The following OSBPL3 variants were observed in gnomAD, a reference collection of about 807,000 sequenced individuals.
OSBPL3 encodes the protein oxysterol binding protein like 3.
Under a neutral mutation model 120.1 loss-of-function variants are expected in OSBPL3, and 65 were observed. The ratio of observed to expected loss-of-function variants is 0.54; its 90% confidence interval spans 0.44 to 0.67. OSBPL3 has a LOEUF of 0.67. OSBPL3 is among the 30% of genes least tolerant of loss of function. The probability of loss-of-function intolerance (pLI) is 0.00; values close to 1 mark genes in which losing one functional copy is unlikely to be tolerated. For synonymous variants in OSBPL3, 416 were observed against 402.6 expected (o/e 1.03, Z -0.40); for missense variants, 1,004 against 1,082.1 (o/e 0.93, Z 1.01).
At chr7:24,861,094 T>A (rs1458646363) in intron 10 of OSBPL3, among the ~76,000 whole-genome samples, 1 of 152,216 alleles carries the variant, frequency 6.6e-6, no homozygotes, top group African/African-American at 2.4e-5. Flanking sequence ...TTTGATACTA[T>A]ATTTCCTTTT....
intron 1 of OSBPL3, among the ~76,000 whole-genome samples, chr7:24,914,810 A>T (rs530939420): frequency 6.6e-6 from 1 of 152,314 alleles, no homozygotes; most frequent in East Asian, 1.9e-4. Flanking sequence ...GCCCAATGTA[A>T]ACTTACAGGT....
chr7:24,844,591 T>A (rs1185166314), intron 12 of OSBPL3, among the ~76,000 whole-genome samples: 3 of 152,228 alleles, frequency 2.0e-5, no homozygotes, highest in African/African-American at 7.2e-5. Context: ...GTGCAGTAAT[T>A]GTAATCATGC....
In OSBPL3 at chr7:24,815,711, T is replaced by C. The variant is rs765619394; in HGVS notation, c.2028-508A>G. On this transcript the variant is annotated intron_variant, in intron 18 of 22. Transcript: ENST00000313367. The surrounding 1 kb of genome is among the most constrained non-coding windows in gnomAD (Gnocchi z 5.1). ...CCAGATACTTACAAAACATATGCAA[T>C]GTGCTAAGTACTATTTTAGGTGTTT... 4.6e-5 allele frequency among the ~76,000 whole-genome samples: 7 copies of C among 152,240 alleles called. No individual in the cohort carries two copies. The highest frequency in any genetic ancestry group is 7.3e-5 in the Non-Finnish European group (5 of 68,042).
At chr7:24,903,343 G>A (rs1807348557) in intron 1 of OSBPL3, among the ~76,000 whole-genome samples, 1 of 152,218 alleles carries the variant, frequency 6.6e-6, no homozygotes, top group Non-Finnish European at 1.5e-5. Flanking sequence ...ATACTTGCCA[G>A]TGAAGAAAGG....
chr7:24,863,130 A>G lies in OSBPL3; in HGVS notation c.870+70T>C. The G allele has an allele frequency of 1.9e-6, 2 of 1,050,896 alleles. No homozygotes were observed. The highest frequency in any genetic ancestry group is 3.0e-6 in the Non-Finnish European group (2 of 667,192). The allele number at this position is 1,050,896 out of a possible 1,614,324, so 65.1% of individuals were successfully genotyped here. A position where few individuals can be genotyped will look rare whatever the true frequency, so the allele number is the denominator to read the frequency against. On this transcript the variant is annotated intron_variant, in intron 9 of 22. Transcript: ENST00000313367. This position sits in a 1 kb window ranked among gnomAD's most constrained non-coding sequence, Gnocchi z 5.8. ...TCTATTCTCCTAGCTGAGTCAAGGT[A>G]GCTGCTGGCACACGGCATGCAGAGC...
rs17150641 is a variant in OSBPL3 at position 24,969,587 on chromosome 7, T to C, written c.-150+10299A>G. ...TATTTTTTTGTATTTCTATTTGTTT[T>C]AAAGTTTTGATCCATGTGGAATTTA... On this transcript the variant is annotated intron_variant, in intron 1 of 22. Transcript: ENST00000313367. Among the ~76,000 whole-genome samples, 550 of 152,334 alleles carry C rather than the reference T, an allele frequency of 3.6e-3. 11 individuals carry two copies. The East Asian group carries it at 0.052, about 14-fold the overall frequency.
chr7:24,820,408 A>G lies in OSBPL3; in HGVS notation c.1885-170T>C, dbSNP rs1447196137. Among the ~76,000 whole-genome samples, 1 of 152,240 alleles carries G rather than the reference A, an allele frequency of 6.6e-6. No individual in the cohort carries two copies. Among genetic ancestry groups the G allele is most frequent in the Non-Finnish European group, 1.5e-5 (1 of 68,040 alleles). ...GTCCTCAAGAGGGCGCTCCTGATACAGTCAGCTCCCACTTGCTCAGATTGG... is the reference window on the plus strand; with the variant it reads ...GTCCTCAAGAGGGCGCTCCTGATACGGTCAGCTCCCACTTGCTCAGATTGG... On this transcript the variant is annotated intron_variant, in intron 16 of 22. Coordinates refer to ENST00000313367, the MANE Select transcript of OSBPL3 (RefSeq NM_015550.4). This position sits in a 1 kb window ranked among gnomAD's most constrained non-coding sequence, Gnocchi z 4.6.
At chr7:24,974,521 A>T (rs920406190) in intron 1 of OSBPL3, among the ~76,000 whole-genome samples, 1 of 152,226 alleles carries the variant, frequency 6.6e-6, no homozygotes, top group Non-Finnish European at 1.5e-5. Context: ...AAGATAAAAC[A>T]GCGAACAGGG....
chr7:24,951,087 C>T (rs1563004212), intron 1 of OSBPL3, among the ~76,000 whole-genome samples: 1 of 152,074 alleles, frequency 6.6e-6, no homozygotes, highest in Non-Finnish European at 1.5e-5. Context: ...CCACCAGCCC[C>T]AACAAAAAGA....
rs1488008409 is a variant in OSBPL3 at position 24,849,049 on chromosome 7, CAGACG to C, written c.1266+15_1266+19del. ...CGGGCGGCAGCTGGGGAGACATTAC[CAGACG>C]AGAAACCTACCCACCTCTGCCAGAT... is the stretch of plus-strand genomic sequence containing the variant. On this transcript the variant is annotated intron_variant, in intron 12 of 22. Coordinates refer to ENST00000313367, the MANE Select transcript of OSBPL3 (RefSeq NM_015550.4). The surrounding 1 kb of genome is among the most constrained non-coding windows in gnomAD (Gnocchi z 5.4). 1.3e-6 allele frequency: 2 copies of C among 1,573,518 alleles called. No individual in the cohort carries two copies. The highest frequency in any genetic ancestry group is 1.7e-6 in the Non-Finnish European group (2 of 1,144,294).
At chr7:24,882,949 T>C (rs1333081858) in intron 2 of OSBPL3, among the ~76,000 whole-genome samples, 2 of 152,242 alleles carry the variant, frequency 1.3e-5, no homozygotes, top group African/African-American at 4.8e-5. Context: ...TTGAGCTGTT[T>C]GAGTTCCTTG....
At position 24,879,714 on chromosome 7, in the gene OSBPL3, A is replaced by G. The variant is rs1028756034; in HGVS notation, c.97-7645T>C. 6.6e-6 allele frequency among the ~76,000 whole-genome samples: 1 copy of G among 152,188 alleles called. No homozygotes were observed. The highest frequency in any genetic ancestry group is 2.4e-5 in the African/African-American group (1 of 41,446). ...TCCACCTGAGGTCATTCCCATCCTGAGTTTCCAAAGAGAAAAACGCTTTCC... is the reference window on the plus strand; with the variant it reads ...TCCACCTGAGGTCATTCCCATCCTGGGTTTCCAAAGAGAAAAACGCTTTCC... On this transcript the variant is annotated intron_variant, in intron 2 of 22. Transcript: ENST00000313367. The surrounding 1 kb of genome is among the most constrained non-coding windows in gnomAD (Gnocchi z 5.6).
In OSBPL3 at chr7:24,818,476, T is replaced by C. The variant is rs1794742824; in HGVS notation, c.1948+1699A>G. Among the ~76,000 whole-genome samples the C allele has an allele frequency of 6.6e-6, 1 of 152,208 alleles. No individual in the cohort carries two copies. Among genetic ancestry groups the C allele is most frequent in the Admixed American group, 6.5e-5 (1 of 15,282 alleles). ...AAGGGAAAATGGAAGTATACTTCTG[T>C]AAATCTCACTATATGAAACTGGCAT... On this transcript the variant is annotated intron_variant, in intron 17 of 22. Transcript: ENST00000313367. This position sits in a 1 kb window ranked among gnomAD's most constrained non-coding sequence, Gnocchi z 4.0.
At chr7:24,865,201 T>C in intron 7 of OSBPL3, 141 bp downstream of exon 7, 1 of 779,548 alleles carries the variant, frequency 1.3e-6, no homozygotes, top group Non-Finnish European at 2.1e-6. Flanking sequence ...TTGTTGATGA[T>C]GGGTGCAACC....
Position 24,820,069 on chromosome 7 carries a change from C to A in OSBPL3, c.1948+106G>T. 1 of 800,694 alleles carries A rather than the reference C, an allele frequency of 1.2e-6. No homozygotes were observed. Among genetic ancestry groups the A allele is most frequent in the Non-Finnish European group, 2.0e-6 (1 of 492,418 alleles). 49.6% of individuals were successfully genotyped at this position (800,694 alleles called of 1,614,324 possible). On this transcript the variant is annotated intron_variant, in intron 17 of 22. Coordinates refer to ENST00000313367, the MANE Select transcript of OSBPL3 (RefSeq NM_015550.4). This position sits in a 1 kb window ranked among gnomAD's most constrained non-coding sequence, Gnocchi z 4.6. ...AGATCCTTCCAACCAGGCCCAAATC[C>A]AAGGACCACTTTTGATCTCAGTAAG...
At chr7:24,809,597 C>T (rs545530327) in intron 20 of OSBPL3, among the ~76,000 whole-genome samples, 37 of 152,186 alleles carry the variant, frequency 2.4e-4, no homozygotes, top group African/African-American at 6.3e-4. Context: ...AACCCGGGAC[C>T]CAGCAGCCCA....
In OSBPL3 at chr7:24,844,151, T is replaced by C. The variant is rs368668149; in HGVS notation, c.1267-1738A>G. ...TCTACAGCATGGTGCCTTAAACAACTCAGGACCTCATTTGCTAAAATATTA... is the reference window on the plus strand; with the variant it reads ...TCTACAGCATGGTGCCTTAAACAACCCAGGACCTCATTTGCTAAAATATTA... On this transcript the variant is annotated intron_variant, in intron 12 of 22. Transcript: ENST00000313367. 1.6e-4 allele frequency among the ~76,000 whole-genome samples: 24 copies of C among 152,344 alleles called. No individual in the cohort carries two copies. The East Asian group carries it at 3.3e-3, about 21-fold the overall frequency.
At chr7:24,885,582 G>A (rs1461095483) in intron 2 of OSBPL3, among the ~76,000 whole-genome samples, 2 of 152,218 alleles carry the variant, frequency 1.3e-5, no homozygotes, top group East Asian at 3.8e-4. Flanking sequence ...CTGCAATCAT[G>A]AGTGAAGCAC....
chr7:24,924,940 T>C (rs1452921799), intron 1 of OSBPL3, among the ~76,000 whole-genome samples: 2 of 152,220 alleles, frequency 1.3e-5, no homozygotes, highest in African/African-American at 2.4e-5. Flanking sequence ...TTACCCTTTT[T>C]CATTTCTTTT....
Sources: gnomAD v4.1 joint callset for allele counts (sites outside exome capture counted in the v4.1 genomes callset) on GRCh38, gnomAD v4.1.1 for gene constraint, Gnocchi (gnomAD v3.1) non-coding constraint, MANE v1.5 for transcripts, NCBI Gene and HGNC (gene_info 2026-07-23, HGNC 2026-07-21) for gene names.